Variants in FKBP14 observed in about 807,000 individuals in gnomAD.
FKBP14 encodes peptidyl-prolyl cis-trans isomerase FKBP14.
FKBP14 carries 20 observed loss-of-function variants against 21.6 expected under a neutral mutation model. The observed-to-expected ratio is 0.92, with a 90% CI of 0.65 to 1.34. FKBP14 has a LOEUF of 1.34. FKBP14 is among the 40% of genes most tolerant of loss of function. The pLI, the probability that FKBP14 is intolerant of heterozygous loss-of-function variation, is 0.00. For missense variants in FKBP14, 253 were observed against 249.0 expected (o/e 1.02, Z -0.11); for synonymous variants, 79 against 86.7 (o/e 0.91, Z 0.49).
downstream of FKBP14, among the ~76,000 whole-genome samples, chr7:30,008,640 G>C (rs558138918): frequency 2.0e-4 from 28 of 142,788 alleles, no homozygotes; most frequent in Admixed American, 4.5e-4. Flanking sequence ...AAGATCACTT[G>C]AACCTGGGAG....
intron 1 of FKBP14, 43 bp from the exon 2 acceptor site, chr7:30,022,859 A>G: frequency 6.4e-7 from 1 of 1,565,466 alleles, no homozygotes; most frequent in Non-Finnish European, 8.6e-7. Flanking sequence ...TATTAACTCT[A>G]AAAAATTTTC....
At chr7:30,008,308 A>G (rs1391674647), downstream of FKBP14, 1 of 152,242 alleles carries the variant, frequency 6.6e-6, no homozygotes, top group East Asian at 1.9e-4. Context: ...AGATGAGGCA[A>G]AGGTAAAGGA....
chr7:30,026,312 G>A lies in FKBP14; in HGVS notation c.197C>T (p.Thr66Ile). ...TTACCTGCGGGGCATAATTACTTAC[G>A]TGGAGTGAAATAAGGAGCCGTCCTT... Reference protein sequence around the residue: ...LEKDGSLFHSTHKHNNGQPIW... With the variant: ...LEKDGSLFHSIHKHNNGQPIW... The change falls in exon 1 of 4, where the codon ACT (threonine) becomes ATT (isoleucine). Residue 66 changes from threonine to isoleucine, a missense_variant and splice_region_variant. Thr to Ile is a moderately conservative substitution (Grantham distance 89, BLOSUM62 -1). Transcript: ENST00000222803. 2 of 1,601,156 alleles carry A rather than the reference G, an allele frequency of 1.2e-6. No homozygotes were observed. Among genetic ancestry groups the A allele is most frequent in the Non-Finnish European group, 1.7e-6 (2 of 1,172,264 alleles).
rs796624136 is a variant in FKBP14 at position 30,021,937 on chromosome 7, C to T, written c.349+728G>A. ...TTGAACAGCAGGATATGTGTCTGCC[C>T]TGAAAAACTAGTACAAAAGCTGTCC... On this transcript the variant is annotated intron_variant, in intron 2 of 3. Coordinates refer to ENST00000222803, the MANE Select transcript of FKBP14 (RefSeq NM_017946.4). Among the ~76,000 whole-genome samples, 3 of 152,108 alleles carry T rather than the reference C, an allele frequency of 2.0e-5. No homozygotes were observed. In the South Asian group the frequency reaches 6.2e-4, roughly 32 times the overall value.
intron 2 of FKBP14, 70 bp from the exon 3 acceptor site, chr7:30,019,193 A>G: frequency 6.8e-7 from 1 of 1,471,154 alleles, no homozygotes; most frequent in Non-Finnish European, 9.1e-7. Context: ...ATTTATGGTA[A>G]TGGACAAAGT....
intron 2 of FKBP14, among the ~76,000 whole-genome samples, chr7:30,019,788 A>G (rs996029785): frequency 6.6e-6 from 1 of 152,182 alleles, no homozygotes; most frequent in Non-Finnish European, 1.5e-5. Context: ...AACTCTCAAT[A>G]CATGTTATTG....
chr7:30,016,174 TGG>T (rs1789878886), intron 3 of FKBP14, among the ~76,000 whole-genome samples: 1 of 152,186 alleles, frequency 6.6e-6, no homozygotes. Flanking sequence ...CCCAAAGTGC[TGG>T]GATTAGAAGC....
At chr7:30,018,395 G>A (rs1346779723) in intron 3 of FKBP14, among the ~76,000 whole-genome samples, 2 of 152,206 alleles carry the variant, frequency 1.3e-5, no homozygotes, top group African/African-American at 4.8e-5. Flanking sequence ...GTGTAGCAAT[G>A]GCCGAATTAT....
At position 30,011,653 on chromosome 7, in the gene FKBP14, AG is replaced by A. The variant is rs1373027846; in HGVS notation, c.*3081del. ...GGAGTCACTCTGTCACCCAGGCTGG[AG>A]TGCAGTGGTATGATCATGGCTCACT... On this transcript the variant is annotated 3_prime_UTR_variant, in exon 4 of 4. Coordinates refer to ENST00000222803, the MANE Select transcript of FKBP14 (RefSeq NM_017946.4). 3 of 145,942 alleles carry A rather than the reference AG, an allele frequency of 2.1e-5. No individual in the cohort carries two copies. In the East Asian group the frequency reaches 6.0e-4, roughly 29 times the overall value. The allele number at this position is 145,942 out of a possible 1,614,324, so 9.0% of individuals were successfully genotyped here.
chr7:30,010,343 T>C (rs567857276), downstream of FKBP14, among the ~76,000 whole-genome samples: 87 of 152,312 alleles, frequency 5.7e-4, no homozygotes, highest in African/African-American at 2.1e-3. Context: ...GAATTAACTA[T>C]TAACTATCAT....
chr7:30,019,473 G>A (rs1789975079), intron 2 of FKBP14, among the ~76,000 whole-genome samples: 1 of 152,006 alleles, frequency 6.6e-6, no homozygotes, highest in Admixed American at 6.6e-5. Flanking sequence ...AGGACTTGAA[G>A]GGTTTTAGAT....
At position 30,011,574 on chromosome 7, in the gene FKBP14, G is replaced by GGTAT. The variant is rs1354539049; in HGVS notation, c.*3157_*3160dup. On this transcript the variant is annotated 3_prime_UTR_variant, in exon 4 of 4. Coordinates refer to ENST00000222803, the MANE Select transcript of FKBP14 (RefSeq NM_017946.4). ...CTATATATATATATACCATATATAT[G>GGTAT]GTATATATATATATATAGTATATAT... The GGTAT allele has an allele frequency of 1.7e-5, 2 of 115,426 alleles. No individual in the cohort carries two copies. Among genetic ancestry groups the GGTAT allele is most frequent in the Non-Finnish European group, 3.6e-5 (2 of 56,080 alleles). The allele number at this position is 115,426 out of a possible 1,614,324, so 7.2% of individuals were successfully genotyped here. A position where few individuals can be genotyped will look rare whatever the true frequency, so the allele number is the denominator to read the frequency against.
chr7:30,015,171 T>C (rs941546782), intron 3 of FKBP14, among the ~76,000 whole-genome samples: 2 of 152,086 alleles, frequency 1.3e-5, no homozygotes, highest in Non-Finnish European at 1.5e-5. Context: ...CCCAGCACTT[T>C]GGGAGGCCCA....
intron 1 of FKBP14, 53 bp from the exon 2 acceptor site, chr7:30,022,869 C>A: frequency 6.5e-7 from 1 of 1,535,616 alleles, no homozygotes; most frequent in Non-Finnish European, 8.8e-7. Flanking sequence ...AAAAAATTTT[C>A]TTTAGTGCAT....
chr7:30,015,708 C>G (rs1355739613), intron 3 of FKBP14, among the ~76,000 whole-genome samples: 13 of 149,742 alleles, frequency 8.7e-5, no homozygotes, highest in Non-Finnish European at 1.8e-4. Context: ...TCACTGCAAG[C>G]TCCGCCTCCC....
intron 1 of FKBP14, 70 bp downstream of exon 1, chr7:30,026,242 C>A: frequency 1.4e-6 from 2 of 1,426,332 alleles, no homozygotes; most frequent in Non-Finnish European, 1.9e-6. Context: ...GGCCACCTTT[C>A]CTGCTGGAGA....
intron 2 of FKBP14, chr7:30,020,430 A>G (rs906074741): frequency 1.0e-5 from 4 of 383,628 alleles, no homozygotes; most frequent in African/African-American, 4.3e-5. Context: ...AGTATGAGAA[A>G]GAGTAATGGA....
At position 30,026,412 on chromosome 7, in the gene FKBP14, GGA is replaced by G. The variant is rs2127950876; in HGVS notation, c.95_96del (p.Leu32ProfsTer21). On this transcript the variant is annotated frameshift_variant, in exon 1 of 4. Transcript: ENST00000222803. LOFTEE classifies it high-confidence loss of function. Reference protein sequence around the residue: ...IPEPEVKIEVLQKPFICHRKT... With the variant: ...IPEPEVKIEVXQKPFICHRKT... ...TTGCGATGGCAGATGAATGGCTTCT[GGA>G]GAACTTCAATTTTCACTTCTGGTTC... 1 of 1,614,176 alleles carries G rather than the reference GGA, an allele frequency of 6.2e-7. No individual in the cohort carries two copies.
chr7:30,021,722 AT>A (rs1790036070), intron 2 of FKBP14, among the ~76,000 whole-genome samples: 1 of 152,028 alleles, frequency 6.6e-6, no homozygotes, highest in Non-Finnish European at 1.5e-5. Flanking sequence ...CGTTCAGCTA[AT>A]TTTGTATTTT....
Sources: gnomAD v4.1 joint callset for allele counts (sites outside exome capture counted in the v4.1 genomes callset) on GRCh38, gnomAD v4.1.1 for gene constraint, MANE v1.5 for transcripts, NCBI Gene and HGNC (gene_info 2026-07-23, HGNC 2026-07-21) for gene names.